Variants in UTP20 observed in about 807,000 individuals in gnomAD.
UTP20 encodes the protein small subunit processome component 20 homolog.
In UTP20, 164 loss-of-function variants were observed where a neutral mutation model predicts 329.5. The observed-to-expected ratio is 0.50, with a 90% CI of 0.44 to 0.57. UTP20 has a LOEUF of 0.57. Ranked by LOEUF, UTP20 falls within the 20% of genes least tolerant of loss-of-function variation. The pLI is 0.00. For missense variants in UTP20, 3,055 were observed against 3,284.2 expected, an observed-to-expected ratio of 0.93 and a Z score of 1.71; for synonymous variants, 1,151 against 1,159.3, an observed-to-expected ratio of 0.99 and a Z score of 0.14.
chr12:101,320,420 G>A (rs1014075304), intron 23 of UTP20, among the ~76,000 whole-genome samples: 5 of 152,066 alleles, frequency 3.3e-5, no homozygotes, highest in Admixed American at 1.3e-4. Flanking sequence ...GCCAAGTGTG[G>A]TGGTGGGTGC....
chr12:101,311,433 C>G (rs928352054), intron 19 of UTP20, among the ~76,000 whole-genome samples: 1 of 152,118 alleles, frequency 6.6e-6, no homozygotes, highest in Non-Finnish European at 1.5e-5. Flanking sequence ...TATTCATGCC[C>G]CATGCCCCAG....
At chr12:101,336,365 A>G (rs1458580487) in intron 29 of UTP20, among the ~76,000 whole-genome samples, 1 of 152,242 alleles carries the variant, frequency 6.6e-6, no homozygotes, top group Non-Finnish European at 1.5e-5. Context: ...CAGATTTTTC[A>G]TCTATAGAGA....
At chr12:101,372,860 C>T (rs1870338652) in intron 51 of UTP20, 24 bp from the exon 52 acceptor site, 1 of 1,587,230 alleles carries the variant, frequency 6.3e-7, no homozygotes, top group Middle Eastern at 1.7e-4. Flanking sequence ...TCCAAATAAT[C>T]ATCTGTGTGA....
chr12:101,379,580 T>C, intron 57 of UTP20, 22 bp downstream of exon 57: 1 of 1,598,736 alleles, frequency 6.3e-7, no homozygotes, highest in Non-Finnish European at 8.5e-7. Context: ...CTCAAACCTT[T>C]TCCTTCCCTC....
intron 27 of UTP20, among the ~76,000 whole-genome samples, chr12:101,330,931 C>T (rs774132866): frequency 9.2e-5 from 14 of 152,180 alleles, no homozygotes; most frequent in Non-Finnish European, 1.3e-4. Context: ...AATTATTGCA[C>T]AGTAGTTTTG....
intron 6 of UTP20, 170 bp from the exon 7 acceptor site, chr12:101,289,967 G>A (rs896692073): frequency 1.2e-4 from 54 of 439,600 alleles, no homozygotes; most frequent in Non-Finnish European, 1.1e-4. Context: ...GACATTCCAA[G>A]TGAGAACACA....
intron 35 of UTP20, among the ~76,000 whole-genome samples, chr12:101,344,206 A>G (rs1222735015): frequency 6.6e-6 from 1 of 152,250 alleles, no homozygotes; most frequent in East Asian, 1.9e-4. Flanking sequence ...CCCTACACTC[A>G]CTTTGACATT....
chr12:101,367,786 C>T lies in UTP20; in HGVS notation c.6268-74C>T, dbSNP rs573198224. The stretch of plus-strand genomic sequence containing the variant: ...TTAACATTTCTTGCTTTTCTCTGAA[C>T]ATCATTTCACATTTACCTAACTCAT... On this transcript the variant is annotated intron_variant, in intron 47 of 61. Coordinates refer to ENST00000261637, the MANE Select transcript of UTP20 (RefSeq NM_014503.3). The T allele has an allele frequency of 9.0e-6, 8 of 887,902 alleles. No homozygotes were observed. In the African/African-American group the frequency reaches 1.3e-4, roughly 15 times the overall value. 55.0% of individuals were successfully genotyped at this position (887,902 alleles called of 1,614,324 possible).
At position 101,299,702 on chromosome 12, in the gene UTP20, A is replaced by C. The variant is rs1376259112; in HGVS notation, c.1451A>C (p.Lys484Thr). ...QMVGFYIKQK[K>T]TRSKGRNEQF... is the part of the protein sequence containing the mutation. ...TTCAGATTCTATATAAAGCAGAAGAAGACTAGATCCAAGGGAAGAAACGAA... is the reference window on the plus strand; with the variant it reads ...TTCAGATTCTATATAAAGCAGAAGACGACTAGATCCAAGGGAAGAAACGAA... The change falls in exon 13 of 62, where the codon AAG becomes ACG. Residue 484 changes from lysine to threonine, a missense_variant. Lys to Thr is a moderately conservative substitution (Grantham distance 78). This residue lies in a region of UTP20 where 2,445 missense variants were observed against 2,575.5 expected (regional missense o/e 0.95). Coordinates refer to ENST00000261637, the MANE Select transcript of UTP20 (RefSeq NM_014503.3). The C allele has an allele frequency of 3.1e-6, 5 of 1,593,844 alleles. No individual in the cohort carries two copies. The highest frequency in any genetic ancestry group is 1.7e-4 in the Middle Eastern group (1 of 5,930).
chr12:101,338,786 A>T, intron 30 of UTP20, 27 bp from the exon 31 acceptor site: 1 of 1,561,612 alleles, frequency 6.4e-7, no homozygotes, highest in Non-Finnish European at 8.6e-7. Context: ...GTTTATTAAA[A>T]TCAAATCAAA....
intron 17 of UTP20, among the ~76,000 whole-genome samples, chr12:101,307,541 T>C (rs2137249038): frequency 6.6e-6 from 1 of 152,218 alleles, no homozygotes; most frequent in South Asian, 2.1e-4. Context: ...CACGCCTGGC[T>C]AATTTTTGTA....
At position 101,299,683 on chromosome 12, in the gene UTP20, T is replaced by A. The variant is rs145833993; in HGVS notation, c.1432T>A (p.Phe478Ile). 2.9e-4 allele frequency: 464 copies of A among 1,575,184 alleles called. No individual in the cohort carries two copies. In the African/African-American group the frequency reaches 5.2e-3, roughly 18 times the overall value. The change falls in exon 13 of 62, where the codon TTC (phenylalanine) becomes ATC (isoleucine). Residue 478 changes from phenylalanine (F) to isoleucine (I), a missense_variant and splice_region_variant. Physicochemically the swap from Phe to Ile is conservative, Grantham distance 21. Transcript: ENST00000261637. Reference protein sequence around the residue: ...PLVFSPQMVGFYIKQKKTRSK... With the variant: ...PLVFSPQMVGIYIKQKKTRSK... ...TAAACATTTTTTTTAATCCTTCAGA[T>A]TCTATATAAAGCAGAAGAAGACTAG...
intron 14 of UTP20, among the ~76,000 whole-genome samples, chr12:101,300,485 A>G (rs1872491945): frequency 6.6e-6 from 1 of 152,060 alleles, no homozygotes; most frequent in African/African-American, 2.4e-5. Flanking sequence ...CTGCATGGAG[A>G]CCCTTCTAGG....
intron 2 of UTP20, among the ~76,000 whole-genome samples, chr12:101,283,264 C>T (rs1199730597): frequency 1.3e-5 from 2 of 152,196 alleles, no homozygotes; most frequent in Non-Finnish European, 2.9e-5. Context: ...AGAATGGCCT[C>T]TGTCACGTGT....
chr12:101,379,298 GCTTAA>G, intron 56 of UTP20, 68 bp from the exon 57 acceptor site: 2 of 1,359,126 alleles, frequency 1.5e-6, no homozygotes, highest in Non-Finnish European at 2.0e-6. Context: ...CTCTGTAAAT[GCTTAA>G]CTTAGTCATA....
At chr12:101,384,920 C>T (rs1257758938) in intron 60 of UTP20, among the ~76,000 whole-genome samples, 1 of 152,078 alleles carries the variant, frequency 6.6e-6, no homozygotes, top group African/African-American at 2.4e-5. Context: ...ATCTGCCAGG[C>T]ACTAGGGATT....
chr12:101,366,628 G>A lies in UTP20; in HGVS notation c.6196G>A (p.Val2066Ile). The A allele has an allele frequency of 6.2e-7, 1 of 1,614,142 alleles. No individual in the cohort carries two copies. The highest frequency in any genetic ancestry group is 1.3e-5 in the African/African-American group (1 of 75,044). Residue 2066 changes from valine (V) to isoleucine (I), a missense_variant, in exon 47 of 62, where the codon GTT becomes ATT. Val to Ile is a conservative substitution (Grantham distance 29, BLOSUM62 3). Transcript: ENST00000261637. ...QSCLLLPPTP[V>I]RGGQKAVVSR... is the part of the protein sequence containing the mutation. ...CTGCCTTCTGCTTCCCCCAACTCCA[G>A]TTCGAGGTGGACAGAAAGCTGTTGT...
At chr12:101,365,058 A>T (rs915507927) in intron 45 of UTP20, among the ~76,000 whole-genome samples, 4 of 138,862 alleles carry the variant, frequency 2.9e-5, no homozygotes, top group Admixed American at 7.3e-5. Context: ...TGAGGAGTGA[A>T]TACATTTTGT....
intron 51 of UTP20, 103 bp downstream of exon 51, chr12:101,371,271 T>C: frequency 1.2e-6 from 1 of 847,206 alleles, no homozygotes; most frequent in Non-Finnish European, 1.8e-6. Context: ...CCTTGTGTCG[T>C]ATTGTTGCTT....
Sources: gnomAD v4.1 joint callset for allele counts (sites outside exome capture counted in the v4.1 genomes callset) on GRCh38, gnomAD v4.1.1 for gene constraint, gnomAD v4.1.1 regional missense constraint, MANE v1.5 for transcripts, NCBI Gene and HGNC (gene_info 2026-07-23, HGNC 2026-07-21) for gene names.